The following KCNQ5 variants were observed in gnomAD, a reference collection of about 807,000 sequenced individuals.
KCNQ5 encodes potassium voltage-gated channel subfamily Q member 5, also known as potassium voltage-gated channel subfamily KQT member 5.
Under a neutral mutation model 98.2 loss-of-function variants are expected in KCNQ5, and 30 were observed. That is an observed-to-expected ratio of 0.31 (90% CI 0.23 to 0.41). The LOEUF (loss-of-function observed/expected upper bound fraction) is 0.41, where lower values mean the gene tolerates loss of function less well. Ranked by LOEUF, KCNQ5 falls within the 10% of genes least tolerant of loss-of-function variation. The pLI, the probability that KCNQ5 is intolerant of heterozygous loss-of-function variation, is 1.00. For missense variants in KCNQ5, 835 were observed against 1,182.5 expected, an observed-to-expected ratio of 0.71 and a Z score of 4.31; for synonymous variants, 458 against 449.4, an observed-to-expected ratio of 1.02 and a Z score of -0.24.
chr6:73,133,134 T>A (rs960701520), intron 9 of KCNQ5, among the ~76,000 whole-genome samples: 1 of 152,188 alleles, frequency 6.6e-6, no homozygotes, highest in Non-Finnish European at 1.5e-5. Flanking sequence ...AGTTCTTAGT[T>A]ATCTACAGTG....
At chr6:72,818,550 G>A (rs1231801313) in intron 1 of KCNQ5, among the ~76,000 whole-genome samples, 1 of 151,376 alleles carries the variant, frequency 6.6e-6, no homozygotes, top group Non-Finnish European at 1.5e-5. Flanking sequence ...CATAAACATT[G>A]CCCTTAATAT....
chr6:73,096,105 A>G lies in KCNQ5; in HGVS notation c.919-9152A>G, dbSNP rs545461233. Among the ~76,000 whole-genome samples, 5 of 152,252 alleles carry G rather than the reference A, an allele frequency of 3.3e-5. No individual in the cohort carries two copies. In the South Asian group the frequency reaches 1.0e-3, roughly 32 times the overall value. ...AGTGCAGCTTTCAGTCTGTGGTCAA[A>G]GATCCAAGAGTCCCAAAATTGAAGA... On this transcript the variant is annotated intron_variant, in intron 5 of 13. Transcript: ENST00000370398.
chr6:72,904,838 T>A (rs1029115312), intron 1 of KCNQ5, among the ~76,000 whole-genome samples: 3 of 152,352 alleles, frequency 2.0e-5, no homozygotes, highest in African/African-American at 4.8e-5. Flanking sequence ...GATAACCTGA[T>A]GACAATGTGC....
At chr6:72,934,045 G>C (rs1765797245) in intron 1 of KCNQ5, among the ~76,000 whole-genome samples, 2 of 152,314 alleles carry the variant, frequency 1.3e-5, no homozygotes, top group African/African-American at 4.8e-5. Context: ...GGGCAACAAA[G>C]GGAGATGCTA....
At chr6:73,020,989 T>C (rs1467760357) in intron 2 of KCNQ5, among the ~76,000 whole-genome samples, 1 of 152,174 alleles carries the variant, frequency 6.6e-6, no homozygotes, top group Non-Finnish European at 1.5e-5. Context: ...TCATGCACAC[T>C]GTCTCTGTGC....
chr6:72,856,467 T>C (rs12209688), intron 1 of KCNQ5, among the ~76,000 whole-genome samples: 5,466 of 58,062 alleles, frequency 0.094, 239 homozygotes, highest in East Asian at 0.28. Flanking sequence ...CACACACACA[T>C]ATATACACAC....
At chr6:73,027,530 TAACA>T (rs1770944337) in intron 2 of KCNQ5, among the ~76,000 whole-genome samples, 3 of 152,252 alleles carry the variant, frequency 2.0e-5, no homozygotes, top group Non-Finnish European at 4.4e-5. Flanking sequence ...GAATCTCTGC[TAACA>T]AACTGTTGCC....
chr6:73,077,962 A>G (rs978883992), intron 5 of KCNQ5, 75 bp downstream of exon 5: 1 of 1,191,024 alleles, frequency 8.4e-7, no homozygotes, highest in Non-Finnish European at 1.2e-6. Flanking sequence ...AATGGTTCCT[A>G]TGGATGGTTT....
At chr6:72,832,160 A>G (rs1211276056) in intron 1 of KCNQ5, among the ~76,000 whole-genome samples, 2 of 151,984 alleles carry the variant, frequency 1.3e-5, no homozygotes, top group Non-Finnish European at 2.9e-5. Flanking sequence ...GCTCATGGAG[A>G]GATGAGAATT....
chr6:72,879,280 A>G (rs566025617), intron 1 of KCNQ5, among the ~76,000 whole-genome samples: 8 of 152,290 alleles, frequency 5.3e-5, no homozygotes, highest in South Asian at 2.1e-4. Context: ...ATTCTTACCA[A>G]TACTTGATAC....
At chr6:72,637,728 T>A (rs1044956099) in intron 1 of KCNQ5, among the ~76,000 whole-genome samples, 2 of 152,152 alleles carry the variant, frequency 1.3e-5, no homozygotes, top group African/African-American at 4.8e-5. Flanking sequence ...TTTTGGTATG[T>A]CAAATGGAAA....
At chr6:72,629,874 T>C (rs1401430239) in intron 1 of KCNQ5, among the ~76,000 whole-genome samples, 1 of 152,242 alleles carries the variant, frequency 6.6e-6, no homozygotes, top group Admixed American at 6.5e-5. Flanking sequence ...GCACTTTTTT[T>C]CATAATTAAA....
At chr6:72,822,436 C>T (rs1270296956) in intron 1 of KCNQ5, among the ~76,000 whole-genome samples, 2 of 152,126 alleles carry the variant, frequency 1.3e-5, no homozygotes, top group African/African-American at 4.8e-5. Flanking sequence ...ACTCCCTATT[C>T]CTTATGTGTT....
chr6:72,671,236 C>T (rs1582088231), intron 1 of KCNQ5, among the ~76,000 whole-genome samples: 4 of 152,256 alleles, frequency 2.6e-5, no homozygotes, highest in South Asian at 4.1e-4. Flanking sequence ...TAAGAGTAGA[C>T]AGCCTTTACT....
At chr6:72,631,055 A>G (rs2098920539) in intron 1 of KCNQ5, among the ~76,000 whole-genome samples, 1 of 152,214 alleles carries the variant, frequency 6.6e-6, no homozygotes, top group African/African-American at 2.4e-5. Flanking sequence ...GTTGAAATGT[A>G]TTAGTGAATG....
intron 1 of KCNQ5, among the ~76,000 whole-genome samples, chr6:72,834,618 C>A (rs1198882662): frequency 6.6e-6 from 1 of 152,138 alleles, no homozygotes; most frequent in Non-Finnish European, 1.5e-5. Context: ...CAATTAAATT[C>A]TATCCTTTTT....
At chr6:72,654,159 T>C (rs1372529422) in intron 1 of KCNQ5, among the ~76,000 whole-genome samples, 1 of 151,944 alleles carries the variant, frequency 6.6e-6, no homozygotes, top group African/African-American at 2.4e-5. Context: ...GACATCATTG[T>C]GTTTGAGACC....
chr6:72,717,124 C>A (rs1769686286), intron 1 of KCNQ5, among the ~76,000 whole-genome samples: 1 of 152,164 alleles, frequency 6.6e-6, no homozygotes, highest in African/African-American at 2.4e-5. Context: ...ATCTGATGAG[C>A]TTCATAAACT....
chr6:72,716,276 T>A (rs1380085511), intron 1 of KCNQ5, among the ~76,000 whole-genome samples: 1 of 152,244 alleles, frequency 6.6e-6, no homozygotes, highest in African/African-American at 2.4e-5. Context: ...AATAAATGCA[T>A]AACTTCACAA....
Sources: gnomAD v4.1 joint callset for allele counts (sites outside exome capture counted in the v4.1 genomes callset) on GRCh38, gnomAD v4.1.1 for gene constraint, MANE v1.5 for transcripts, NCBI Gene and HGNC (gene_info 2026-07-23, HGNC 2026-07-21) for gene names.